TGM7: variants seen among roughly 807,000 people sequenced by gnomAD.
The protein encoded by TGM7 is transglutaminase 7.
Under a neutral mutation model 79.5 loss-of-function variants are expected in TGM7, and 74 were observed. That is an observed-to-expected ratio of 0.93 (90% CI 0.77 to 1.13). The LOEUF is 1.13. Among genes scored for constraint, TGM7 ranks in the 50% most tolerant of loss-of-function variants. TGM7 has a pLI of 0.00. For synonymous variants in TGM7, 354 were observed against 362.5 expected, an observed-to-expected ratio of 0.98 and a Z score of 0.27; for missense variants, 912 against 905.9, an observed-to-expected ratio of 1.01 and a Z score of -0.09.
intron 1 of TGM7, among the ~76,000 whole-genome samples, chr15:43,301,729 G>T (rs1237839328): frequency 1.3e-5 from 2 of 152,174 alleles, no homozygotes; most frequent in African/African-American, 2.4e-5. Context: ...GCCTGCGGGG[G>T]CCTGTTCTTC....
In TGM7 at chr15:43,282,017, G is replaced by T. The variant is rs530951588; in HGVS notation, c.1178C>A (p.Thr393Asn). The T allele has an allele frequency of 3.3e-5, 54 of 1,614,180 alleles. No individual in the cohort carries two copies. In the East Asian group the frequency reaches 1.2e-3, roughly 35 times the overall value. ...REGDVHLAYD[T>N]PFVYAEVNAD... is the part of the protein sequence containing the mutation. Reference sequence around the variant, plus strand: ...GTTCACCTCGGCATACACAAAAGGGGTGTCATAGGCCAGGTGGACATCCCC... The same window carrying T: ...GTTCACCTCGGCATACACAAAAGGGTTGTCATAGGCCAGGTGGACATCCCC... The change falls in exon 9 of 13, where the codon ACC (threonine) becomes AAC (asparagine). Residue 393 changes from threonine to asparagine, a missense_variant. Physicochemically the swap from Thr to Asn is moderately conservative, Grantham distance 65. Transcript: ENST00000452443.
chr15:43,293,783 G>C (rs1402822938), intron 1 of TGM7, 152 bp from the exon 2 acceptor site: 1 of 44,420 alleles, frequency 2.3e-5, no homozygotes, highest in Non-Finnish European at 4.7e-5. Flanking sequence ...GGGGTGTGCG[G>C]GGGGGGCGTG....
chr15:43,287,493 C>CG (rs745411863), intron 5 of TGM7, 36 bp from the exon 6 acceptor site: 1 of 1,612,738 alleles, frequency 6.2e-7, no homozygotes, highest in Non-Finnish European at 8.5e-7. Context: ...CCACAGCTCC[C>CG]GGGGAAGCTC....
chr15:43,290,395 G>T (rs2042957856), intron 4 of TGM7, among the ~76,000 whole-genome samples: 1 of 152,132 alleles, frequency 6.6e-6, no homozygotes, highest in Admixed American at 6.6e-5. Context: ...CATTCTTTCT[G>T]AGGGCTCTGT....
chr15:43,300,116 A>G (rs2043018734), intron 1 of TGM7, among the ~76,000 whole-genome samples: 1 of 152,142 alleles, frequency 6.6e-6, no homozygotes, highest in South Asian at 2.1e-4. Flanking sequence ...CATTGTACCC[A>G]TTCTTCAAAC....
At position 43,292,903 on chromosome 15, in the gene TGM7, C is replaced by A; in HGVS notation, c.245G>T (p.Arg82Leu). The A allele has an allele frequency of 6.2e-7, 1 of 1,613,774 alleles. No homozygotes were observed. Among genetic ancestry groups the A allele is most frequent in the Non-Finnish European group, 8.5e-7 (1 of 1,179,950 alleles). Reference sequence around the variant, plus strand: ...GCTCCAGACATTCCCGGGCTGGACCCGGGTGAGGAAGAATGTGGCTCGGGT... The same window carrying A: ...GCTCCAGACATTCCCGGGCTGGACCAGGGTGAGGAAGAATGTGGCTCGGGT... ...LGTRATFFLT[R>L]VQPGNVWSAS... The change falls in exon 3 of 13, where the codon CGG (arginine) becomes CTG (leucine). Residue 82 changes from arginine to leucine, a missense_variant. Coordinates refer to ENST00000452443, the MANE Select transcript of TGM7 (RefSeq NM_052955.3).
In TGM7 at chr15:43,291,418, C is replaced by T. The variant is rs2042962925; in HGVS notation, c.558+561G>A. On this transcript the variant is annotated intron_variant, in intron 4 of 12. Transcript: ENST00000452443. ...CTCTGTCTTAATAACTCAATTCTGC[C>T]AATGCAGCATGCAAGCAGCCACAGA... Among the ~76,000 whole-genome samples, 12 of 152,282 alleles carry T rather than the reference C, an allele frequency of 7.9e-5. No individual in the cohort carries two copies. The South Asian group carries it at 2.5e-3, about 32-fold the overall frequency.
chr15:43,297,153 C>A (rs574886201), intron 1 of TGM7, among the ~76,000 whole-genome samples: 28 of 152,228 alleles, frequency 1.8e-4, no homozygotes, highest in African/African-American at 6.3e-4. Flanking sequence ...GTATTATCAG[C>A]CTTTTAAGAA....
At chr15:43,278,066 C>T (rs2042886962) in intron 11 of TGM7, among the ~76,000 whole-genome samples, 1 of 152,256 alleles carries the variant, frequency 6.6e-6, no homozygotes, top group Admixed American at 6.5e-5. Context: ...CAGAGGCTGC[C>T]TGGTGTCAGC....
At chr15:43,280,580 G>A (rs1254441324) in intron 9 of TGM7, among the ~76,000 whole-genome samples, 5 of 152,008 alleles carry the variant, frequency 3.3e-5, no homozygotes, top group African/African-American at 4.8e-5. Context: ...CCGAGATTGC[G>A]CCATTGCACT....
chr15:43,282,546 A>G lies in TGM7; in HGVS notation c.1079T>C (p.Leu360Pro). Reference sequence around the variant, plus strand: ...GCTGGTCTGCTGGGGAGTGGGGTCCAGAACCTGCCACCCGTTGTATCCTGG... The same window carrying G: ...GCTGGTCTGCTGGGGAGTGGGGTCCGGAACCTGCCACCCGTTGTATCCTGG... ...LPPGYNGWQV[L>P]DPTPQQTSSG... The change falls in exon 8 of 13, where the codon CTG becomes CCG. Residue 360 changes from leucine (L) to proline (P), a missense_variant. Transcript: ENST00000452443. The G allele has an allele frequency of 6.3e-7, 1 of 1,598,628 alleles. No individual in the cohort carries two copies.
chr15:43,279,192 C>G lies in TGM7; in HGVS notation c.1764G>C (p.Ala588=), dbSNP rs567357. ...DEKLIRVSGI[A]EVEETGRSML... is the part of the protein sequence containing the mutation. ...TGGACCTCCCTGTCTCTTCAACCTC[C>G]GCGATGCCAGACACGCGGATGAGCT... The change falls in exon 11 of 13, where the codon GCG becomes GCC. Residue 588 remains alanine (A), a synonymous_variant. Coordinates refer to ENST00000452443, the MANE Select transcript of TGM7 (RefSeq NM_052955.3). 0.36 allele frequency: 580,014 copies of G among 1,613,726 alleles called. 117,248 individuals are homozygous for G. Among genetic ancestry groups the G allele is most frequent in the African/African-American group, 0.88 (65,690 of 74,964 alleles).
intron 3 of TGM7, 89 bp downstream of exon 3, chr15:43,292,620 G>C: frequency 6.6e-7 from 1 of 1,521,980 alleles, no homozygotes; most frequent in Non-Finnish European, 8.9e-7. Flanking sequence ...TAGCTATGTG[G>C]CGATTTATTT....
rs879089133 is a variant in TGM7 at position 43,282,178 on chromosome 15, C to T, written c.1109-92G>A. The stretch of plus-strand genomic sequence containing the variant: ...ATGGGATAGGCAGCGGCACCACTGA[C>T]TCTCACCCGTGGGATATCTTCCAGT... On this transcript the variant is annotated intron_variant, in intron 8 of 12. Coordinates refer to ENST00000452443, the MANE Select transcript of TGM7 (RefSeq NM_052955.3). 90 of 1,530,770 alleles carry T rather than the reference C, an allele frequency of 5.9e-5. 1 individual carries two copies. The South Asian group carries it at 9.8e-4, about 17-fold the overall frequency. The allele number at this position is 1,530,770 out of a possible 1,614,324, so 94.8% of individuals were successfully genotyped here. A position where few individuals can be genotyped will look rare whatever the true frequency, so the allele number is the denominator to read the frequency against.
intron 4 of TGM7, among the ~76,000 whole-genome samples, chr15:43,288,436 A>G (rs775060013): frequency 5.3e-5 from 8 of 152,192 alleles, no homozygotes; most frequent in Non-Finnish European, 1.0e-4. Flanking sequence ...AACGTTGCCC[A>G]GAGCCAAGTT....
chr15:43,300,568 G>A (rs2043020644), intron 1 of TGM7, among the ~76,000 whole-genome samples: 1 of 152,216 alleles, frequency 6.6e-6, no homozygotes, highest in Non-Finnish European at 1.5e-5. Flanking sequence ...TTGGGAGGCT[G>A]AGGCGGGTGG....
intron 11 of TGM7, among the ~76,000 whole-genome samples, chr15:43,278,247 G>A (rs956665149): frequency 9.2e-5 from 14 of 152,218 alleles, no homozygotes; most frequent in African/African-American, 3.4e-4. Flanking sequence ...TTTCTGAGTG[G>A]GAGGGGCAGG....
intron 4 of TGM7, among the ~76,000 whole-genome samples, chr15:43,287,976 T>A (rs2042944558): frequency 6.6e-6 from 1 of 152,044 alleles, no homozygotes. Context: ...TGGGCTTTGA[T>A]GGACTGGGTG....
intron 4 of TGM7, among the ~76,000 whole-genome samples, chr15:43,289,149 T>G (rs1346027647): frequency 6.6e-6 from 1 of 152,014 alleles, no homozygotes; most frequent in East Asian, 1.9e-4. Flanking sequence ...GCCATGTTGG[T>G]GTGCTGCACC....
Sources: allele counts gnomAD v4.1 joint callset (sites outside exome capture counted in the v4.1 genomes callset), GRCh38; gene constraint gnomAD v4.1.1; transcripts MANE v1.5; gene names NCBI Gene and HGNC (gene_info 2026-07-23, HGNC 2026-07-21).